Variants in C11orf91 observed in about 807,000 individuals in gnomAD.
The protein encoded by C11orf91 is chromosome 11 open reading frame 91, also known as uncharacterized protein C11orf91.
C11orf91 carries 10 observed loss-of-function variants against 14.3 expected under a neutral mutation model. That is an observed-to-expected ratio of 0.70 (90% CI 0.43 to 1.18). The LOEUF is 1.18. Among genes scored for constraint, C11orf91 ranks in the 50% most tolerant of loss-of-function variants. The probability of loss-of-function intolerance (pLI) is 0.00; values close to 1 mark genes in which losing one functional copy is unlikely to be tolerated. For missense variants in C11orf91, 236 were observed against 269.0 expected (o/e 0.88, Z 0.86); for synonymous variants, 141 against 130.6 (o/e 1.08, Z -0.54).
upstream of C11orf91, among the ~76,000 whole-genome samples, chr11:33,702,158 G>A (rs1853138302): frequency 6.6e-6 from 1 of 152,192 alleles, no homozygotes; most frequent in Admixed American, 6.5e-5. Flanking sequence ...CTCAGTCTAT[G>A]GCTAATACAG....
rs1330743188 is a variant in C11orf91 at position 33,698,516 on chromosome 11, T to C, written c.497-2A>G. The stretch of plus-strand genomic sequence containing the variant: ...CTTTTAGCGCCTTCAGGAATGTGTC[T>C]GCAGGAGAGCAAAACAAACTTAGCC... On this transcript the variant is annotated splice_acceptor_variant, in intron 1 of 1. Transcript: ENST00000379011. LOFTEE classifies it high-confidence loss of function. The C allele has an allele frequency of 2.0e-6, 3 of 1,535,898 alleles. No homozygotes were observed. The African/African-American group carries it at 4.1e-5, about 21-fold the overall frequency.
chr11:33,698,383 ACTAACACCTAAGG>A lies in C11orf91; in HGVS notation c.*33_*45del. 9.2e-7 allele frequency: 1 copy of A among 1,083,778 alleles called. No homozygotes were observed. Among genetic ancestry groups the A allele is most frequent in the Non-Finnish European group, 1.4e-6 (1 of 733,346 alleles). 67.1% of individuals were successfully genotyped at this position (1,083,778 alleles called of 1,614,324 possible). A position where few individuals can be genotyped will look rare whatever the true frequency, so the allele number is the denominator to read the frequency against. ...AACAAATGGGACACATTATCTAAGC[ACTAACACCTAAGG>A]AGGTGGCTGCCCAAGCTCTGGTAGG... On this transcript the variant is annotated 3_prime_UTR_variant, in exon 2 of 2. Coordinates refer to ENST00000379011, the MANE Select transcript of C11orf91 (RefSeq NM_001166692.2).
At chr11:33,702,703 T>A (rs1428230953), upstream of C11orf91, 1 of 387,444 alleles carries the variant, frequency 2.6e-6, no homozygotes, top group Non-Finnish European at 5.1e-6. Context: ...TAATCTGTCT[T>A]TGTCAGTTTA....
chr11:33,699,818 T>G (rs572508246), intron 1 of C11orf91, among the ~76,000 whole-genome samples: 1 of 152,306 alleles, frequency 6.6e-6, no homozygotes, highest in Non-Finnish European at 1.5e-5. Flanking sequence ...TCACCTTACT[T>G]CACCTTCCCC....
intron 1 of C11orf91, among the ~76,000 whole-genome samples, chr11:33,699,275 G>C (rs973274589): frequency 6.6e-6 from 1 of 152,170 alleles, no homozygotes; most frequent in Non-Finnish European, 1.5e-5. Context: ...ATGAACTGAA[G>C]ACCATTTCCA....
intron 1 of C11orf91, chr11:33,699,637 A>G (rs1240094547): frequency 2.2e-6 from 1 of 456,310 alleles, no homozygotes; most frequent in East Asian, 6.9e-5. Flanking sequence ...ACGTAAGACC[A>G]GATATCAGCC....
intron 1 of C11orf91, among the ~76,000 whole-genome samples, chr11:33,699,310 G>A (rs573613882): frequency 2.0e-5 from 3 of 152,244 alleles, no homozygotes; most frequent in African/African-American, 7.2e-5. Context: ...TAAGCATTTA[G>A]GTTATTTCAT....
chr11:33,704,744 C>A (rs36093484), upstream of C11orf91: 37,088 of 152,358 alleles, frequency 0.24, 5,005 homozygotes, highest in Middle Eastern at 0.32. Flanking sequence ...GTTTGGACAG[C>A]CTCCAAATTG....
At chr11:33,699,325 C>T (rs140598259) in intron 1 of C11orf91, among the ~76,000 whole-genome samples, 1 of 152,290 alleles carries the variant, frequency 6.6e-6, no homozygotes, top group East Asian at 1.9e-4. Flanking sequence ...TTTCATACTT[C>T]CCTTCTCTGT....
At chr11:33,702,787 G>A, upstream of C11orf91, 1 of 326,746 alleles carries the variant, frequency 3.1e-6, no homozygotes, top group South Asian at 2.3e-5. Flanking sequence ...CCACAGTAAT[G>A]GTAAGAACCA....
Position 33,700,458 on chromosome 11 carries a change from G to T in C11orf91, c.283C>A (p.Pro95Thr). The change falls in exon 1 of 2, where the codon CCC becomes ACC. Residue 95 changes from proline to threonine, a missense_variant. By Grantham distance (38) the Pro-to-Thr change is conservative. Coordinates refer to ENST00000379011, the MANE Select transcript of C11orf91 (RefSeq NM_001166692.2). The stretch of plus-strand genomic sequence containing the variant: ...TAGGGGATGGAGGCCAGGCCGGAGG[G>T]CCAGGGCGAGGGCCAGGGGCGCTCG... The part of the protein sequence containing the change: ...SSERPWPSPW[P>T]SGLASIPYEP... 7.0e-7 allele frequency: 1 copy of T among 1,418,576 alleles called. No individual in the cohort carries two copies. Among genetic ancestry groups the T allele is most frequent in the South Asian group, 1.3e-5 (1 of 74,260 alleles). 87.9% of individuals were successfully genotyped at this position (1,418,576 alleles called of 1,614,324 possible). A position where few individuals can be genotyped will look rare whatever the true frequency, so the allele number is the denominator to read the frequency against.
At position 33,700,513 on chromosome 11, in the gene C11orf91, G is replaced by A. The variant is rs1853105537; in HGVS notation, c.228C>T (p.Pro76=). Residue 76 remains proline (P), a synonymous_variant, in exon 1 of 2, where the codon CCC becomes CCT. Transcript: ENST00000379011. ...AGGGACCCAGGCCGGGTGGTGGCGG[G>A]GGCGGGGGCGCCGGGGCGGGGAGCG... ...SQALPAPAPP[P]PPPPGLGPSS... is the part of the protein sequence containing the mutation. 6 of 1,344,770 alleles carry A rather than the reference G, an allele frequency of 4.5e-6. No individual in the cohort carries two copies. The highest frequency in any genetic ancestry group is 2.0e-5 in the South Asian group (1 of 50,788). The allele number at this position is 1,344,770 out of a possible 1,614,324, so 83.3% of individuals were successfully genotyped here.
chr11:33,699,633 G>A, intron 1 of C11orf91: 1 of 456,296 alleles, frequency 2.2e-6, no homozygotes, highest in South Asian at 1.5e-5. Context: ...TCAGACGTAA[G>A]ACCAGATATC....
Position 33,698,328 on chromosome 11 carries a change from A to C in C11orf91, c.*101T>G, listed in dbSNP as rs1046757712. On this transcript the variant is annotated 3_prime_UTR_variant, in exon 2 of 2. Transcript: ENST00000379011. ...TAGCAACAAGAACAGCGGTAAATAC[A>C]GAACAGAAAATAACCATCTTTGAAA... 4.3e-5 allele frequency: 33 copies of C among 765,732 alleles called. No individual in the cohort carries two copies. The African/African-American group carries it at 5.2e-4, about 12-fold the overall frequency. 47.4% of individuals were successfully genotyped at this position (765,732 alleles called of 1,614,324 possible). A position where few individuals can be genotyped will look rare whatever the true frequency, so the allele number is the denominator to read the frequency against.
In C11orf91 at chr11:33,700,475, G is replaced by T; in HGVS notation, c.266C>A (p.Pro89His). 1 of 1,423,384 alleles carries T rather than the reference G, an allele frequency of 7.0e-7. No individual in the cohort carries two copies. The highest frequency in any genetic ancestry group is 9.1e-7 in the Non-Finnish European group (1 of 1,098,852). 88.2% of individuals were successfully genotyped at this position (1,423,384 alleles called of 1,614,324 possible). Reference sequence around the variant, plus strand: ...GCCGGAGGGCCAGGGCGAGGGCCAGGGGCGCTCGCTGGAGGGACCCAGGCC... The same window carrying T: ...GCCGGAGGGCCAGGGCGAGGGCCAGTGGCGCTCGCTGGAGGGACCCAGGCC... ...PPGLGPSSER[P>H]WPSPWPSGLA... Residue 89 changes from proline (P) to histidine (H), a missense_variant, in exon 1 of 2, where the codon CCC (proline) becomes CAC (histidine). Transcript: ENST00000379011.
upstream of C11orf91, among the ~76,000 whole-genome samples, chr11:33,702,265 G>C (rs1590499447): frequency 6.6e-6 from 1 of 152,136 alleles, no homozygotes; most frequent in African/African-American, 2.4e-5. Flanking sequence ...ACAGCCAGGG[G>C]CAACATAGCG....
Position 33,698,329 on chromosome 11 carries a change from G to A in C11orf91, c.*100C>T. On this transcript the variant is annotated 3_prime_UTR_variant, in exon 2 of 2. Transcript: ENST00000379011. ...AGCAACAAGAACAGCGGTAAATACAGAACAGAAAATAACCATCTTTGAAAT... is the reference window on the plus strand; with the variant it reads ...AGCAACAAGAACAGCGGTAAATACAAAACAGAAAATAACCATCTTTGAAAT... 1.3e-6 allele frequency: 1 copy of A among 773,156 alleles called. No homozygotes were observed. The highest frequency in any genetic ancestry group is 2.1e-5 in the Admixed American group (1 of 46,708). 47.9% of individuals were successfully genotyped at this position (773,156 alleles called of 1,614,324 possible). A position where few individuals can be genotyped will look rare whatever the true frequency, so the allele number is the denominator to read the frequency against.
intron 1 of C11orf91, among the ~76,000 whole-genome samples, chr11:33,699,059 C>T (rs557515433): frequency 6.6e-6 from 1 of 152,052 alleles, no homozygotes; most frequent in Admixed American, 6.6e-5. Context: ...ATTGGCCCCC[C>T]CAAAGTGCTG....
At chr11:33,700,198 T>C (rs1853096890) in intron 1 of C11orf91, 47 bp downstream of exon 1, 3 of 1,506,520 alleles carry the variant, frequency 2.0e-6, no homozygotes, top group Non-Finnish European at 2.7e-6. Context: ...AGGAGGGAGC[T>C]AGGGCAGGCT....
Sources: allele counts gnomAD v4.1 joint callset (sites outside exome capture counted in the v4.1 genomes callset), GRCh38; gene constraint gnomAD v4.1.1; transcripts MANE v1.5; gene names NCBI Gene and HGNC (gene_info 2026-07-23, HGNC 2026-07-21).